The following CHODL variants were observed in gnomAD, a reference collection of about 807,000 sequenced individuals.
CHODL encodes chondrolectin.
Under a neutral mutation model 34.5 loss-of-function variants are expected in CHODL, and 29 were observed. That is an observed-to-expected ratio of 0.84 (90% CI 0.63 to 1.15). The LOEUF is 1.15. CHODL is among the 50% of genes most tolerant of loss of function. The pLI, the probability that CHODL is intolerant of heterozygous loss-of-function variation, is 0.00. For synonymous variants in CHODL, 125 were observed against 116.1 expected, an observed-to-expected ratio of 1.08 and a Z score of -0.49; for missense variants, 332 against 332.5, an observed-to-expected ratio of 1.00 and a Z score of 0.01.
At chr21:18,005,351 G>A (rs1600884240) in intron 1 of CHODL, among the ~76,000 whole-genome samples, 1 of 152,240 alleles carries the variant, frequency 6.6e-6, no homozygotes, top group Non-Finnish European at 1.5e-5. Flanking sequence ...CTGGCACATA[G>A]TAAGTGCTAT....
chr21:18,168,291 A>T (rs893714643), intron 2 of CHODL, among the ~76,000 whole-genome samples: 1 of 152,286 alleles, frequency 6.6e-6, no homozygotes, highest in South Asian at 2.1e-4. Context: ...TATGTGTACA[A>T]CTATCCTATT....
chr21:17,967,407 A>T (rs759666786), intron 1 of CHODL, among the ~76,000 whole-genome samples: 34 of 152,170 alleles, frequency 2.2e-4, no homozygotes, highest in Non-Finnish European at 1.3e-4. Flanking sequence ...TCTTTCTGGC[A>T]TCCCTATGAT....
intron 1 of CHODL, among the ~76,000 whole-genome samples, chr21:17,934,747 A>G (rs956577669): frequency 1.8e-4 from 28 of 152,262 alleles, no homozygotes; most frequent in African/African-American, 6.3e-4. Flanking sequence ...CATCCTAAAT[A>G]TCTTATTTTT....
At chr21:18,246,492 C>A (rs1384271922) in intron 1 of CHODL, among the ~76,000 whole-genome samples, 1 of 152,140 alleles carries the variant, frequency 6.6e-6, no homozygotes, top group Non-Finnish European at 1.5e-5. Flanking sequence ...GAATATAGTT[C>A]TTACATGTGT....
At chr21:18,225,412 A>G (rs973690237) in intron 2 of CHODL, among the ~76,000 whole-genome samples, 24 of 152,154 alleles carry the variant, frequency 1.6e-4, no homozygotes, top group Admixed American at 1.4e-3. Flanking sequence ...TTTGCTCACC[A>G]TTAGAAAAAA....
chr21:18,123,180 A>G (rs921846837), intron 2 of CHODL, among the ~76,000 whole-genome samples: 4 of 152,222 alleles, frequency 2.6e-5, no homozygotes, highest in African/African-American at 9.6e-5. Flanking sequence ...AGATGTTCCT[A>G]TCCTCAGGCA....
intron 1 of CHODL, among the ~76,000 whole-genome samples, chr21:17,926,815 C>A (rs1669028704): frequency 6.6e-6 from 1 of 152,012 alleles, no homozygotes; most frequent in African/African-American, 2.4e-5. Flanking sequence ...AGTTGGGAAT[C>A]AGGATTAAGA....
intron 2 of CHODL, among the ~76,000 whole-genome samples, chr21:18,188,572 T>C (rs754122375): frequency 1.3e-5 from 2 of 152,226 alleles, no homozygotes; most frequent in Non-Finnish European, 2.9e-5. Context: ...CACATTGCTG[T>C]CTGGGATGTT....
At chr21:18,072,488 G>T (rs1029069008) in intron 2 of CHODL, among the ~76,000 whole-genome samples, 4 of 152,068 alleles carry the variant, frequency 2.6e-5, no homozygotes, top group African/African-American at 9.7e-5. Context: ...CGGGAATTTA[G>T]GAGAAGACTC....
intron 2 of CHODL, among the ~76,000 whole-genome samples, chr21:18,036,395 C>A (rs2064311215): frequency 6.6e-6 from 1 of 151,950 alleles, no homozygotes. Flanking sequence ...CTGCATATTT[C>A]AGGGGCTTGC....
intron 2 of CHODL, among the ~76,000 whole-genome samples, chr21:18,096,534 A>C (rs1312579730): frequency 6.6e-6 from 1 of 152,112 alleles, no homozygotes; most frequent in Admixed American, 6.5e-5. Context: ...TGTCTGTCTT[A>C]TGTGGTTGAA....
intron 2 of CHODL, 40 bp from the exon 3 acceptor site, chr21:18,256,930 A>G (rs1436973319): frequency 6.3e-7 from 1 of 1,594,866 alleles, no homozygotes; most frequent in Non-Finnish European, 8.6e-7. Flanking sequence ...ATCATTTAGT[A>G]GGCATGTATC....
Position 17,933,270 on chromosome 21 carries a change from T to C in CHODL, c.-145+15870T>C, listed in dbSNP as rs376827487. 7.9e-5 allele frequency among the ~76,000 whole-genome samples: 12 copies of C among 152,314 alleles called. No individual in the cohort carries two copies. The South Asian group carries it at 1.0e-3, about 13-fold the overall frequency. ...AATCCTCCTCAGCACAGACCATTTA[T>C]GGGTGTCGGGCTGGGGGACGGTCAG... is the stretch of plus-strand genomic sequence containing the variant. On this transcript the variant is annotated intron_variant, in intron 1 of 6. Transcript: ENST00000400127.
intron 2 of CHODL, among the ~76,000 whole-genome samples, chr21:18,042,160 T>A (rs567846957): frequency 1.3e-5 from 2 of 151,878 alleles, no homozygotes; most frequent in Non-Finnish European, 2.9e-5. Flanking sequence ...TCTGGGAATA[T>A]TTTCTGTTTA....
chr21:17,981,253 T>C (rs547142066), intron 1 of CHODL, among the ~76,000 whole-genome samples: 85 of 152,302 alleles, frequency 5.6e-4, no homozygotes, highest in African/African-American at 1.9e-3. Flanking sequence ...TAGAAGGAAC[T>C]TTCAGAGCTC....
intron 1 of CHODL, among the ~76,000 whole-genome samples, chr21:17,936,050 A>C (rs1376318244): frequency 7.6e-6 from 1 of 130,912 alleles, no homozygotes; most frequent in African/African-American, 3.1e-5. Context: ...AGAAACATGA[A>C]GCAGAGTCTT....
intron 2 of CHODL, among the ~76,000 whole-genome samples, chr21:18,070,010 T>TTCCCTTCCCC: frequency 1.5e-5 from 1 of 64,680 alleles, no homozygotes; most frequent in Non-Finnish European, 3.8e-5. Context: ...TTCCCTTCCC[T>TTCCCTTCCCC]TCCCTTCCCT....
intron 2 of CHODL, among the ~76,000 whole-genome samples, chr21:18,232,980 T>C (rs1195118145): frequency 6.8e-6 from 1 of 146,164 alleles, no homozygotes; most frequent in Non-Finnish European, 1.5e-5. Context: ...TATGTATATA[T>C]ATGACCTATC....
chr21:18,260,177 A>T, intron 3 of CHODL, 23 bp from the exon 4 acceptor site: 1 of 1,161,570 alleles, frequency 8.6e-7, no homozygotes, highest in Non-Finnish European at 1.2e-6. Context: ...ATTATATATG[A>T]TGGTGGTTCT....
Sources: allele counts gnomAD v4.1 joint callset (sites outside exome capture counted in the v4.1 genomes callset), GRCh38; gene constraint gnomAD v4.1.1; transcripts MANE v1.5; gene names NCBI Gene and HGNC (gene_info 2026-07-23, HGNC 2026-07-21).